Variants in ASIC2 observed in about 807,000 individuals in gnomAD.
The protein encoded by ASIC2 is acid sensing ion channel subunit 2.
ASIC2 carries 25 observed loss-of-function variants against 57.3 expected under a neutral mutation model. That is an observed-to-expected ratio of 0.44 (90% CI 0.32 to 0.61). ASIC2 has a LOEUF of 0.61. ASIC2 is among the 20% of genes least tolerant of loss of function. The pLI is 0.06. For synonymous variants in ASIC2, 319 were observed against 307.5 expected (o/e 1.04, Z -0.39); for missense variants, 641 against 738.1 (o/e 0.87, Z 1.52).
chr17:34,023,089 T>G (rs895586804), intron 1 of ASIC2, among the ~76,000 whole-genome samples: 2 of 152,146 alleles, frequency 1.3e-5, no homozygotes, highest in African/African-American at 4.8e-5. Flanking sequence ...GTACAGCCTG[T>G]GGAACTGAGA....
chr17:34,050,267 G>A (rs1215785585), intron 1 of ASIC2, among the ~76,000 whole-genome samples: 1 of 152,186 alleles, frequency 6.6e-6, no homozygotes, highest in Non-Finnish European at 1.5e-5. Flanking sequence ...TCACCACTTC[G>A]TGAAAGGGCA....
intron 1 of ASIC2, among the ~76,000 whole-genome samples, chr17:33,372,319 C>T (rs563683555): frequency 6.6e-6 from 1 of 152,120 alleles, no homozygotes; most frequent in African/African-American, 2.4e-5. Context: ...AGTGAAAAAG[C>T]AAGATCAGAA....
chr17:33,869,485 A>G (rs1914332857), intron 1 of ASIC2, among the ~76,000 whole-genome samples: 1 of 152,204 alleles, frequency 6.6e-6, no homozygotes, highest in East Asian at 1.9e-4. Flanking sequence ...AGTAGAAACA[A>G]TCTAAATGTC....
intron 1 of ASIC2, among the ~76,000 whole-genome samples, chr17:33,693,313 G>A (rs1412864463): frequency 8.5e-5 from 13 of 152,280 alleles, no homozygotes; most frequent in African/African-American, 2.9e-4. Flanking sequence ...GATGAACTTA[G>A]GGAGAATCCT....
At chr17:33,509,069 G>T (rs760296147) in intron 1 of ASIC2, among the ~76,000 whole-genome samples, 4 of 152,194 alleles carry the variant, frequency 2.6e-5, no homozygotes, top group Non-Finnish European at 5.9e-5. Context: ...TAGGAATGCT[G>T]GGAGAAAGAT....
chr17:33,272,272 ACCATCTACCTTTACCATCCCATT>A (rs1904525065), intron 1 of ASIC2, among the ~76,000 whole-genome samples: 1 of 152,196 alleles, frequency 6.6e-6, no homozygotes, highest in African/African-American at 2.4e-5. Context: ...TTATATGTTT[ACCATCTACCTTTACCATCCCATT>A]CCATCCCATT....
At chr17:33,799,493 TCTTA>T (rs1432689053) in intron 1 of ASIC2, among the ~76,000 whole-genome samples, 10 of 146,420 alleles carry the variant, frequency 6.8e-5, no homozygotes, top group East Asian at 2.0e-4. Context: ...TTTCTTTCTT[TCTTA>T]CTTTCTTTCT....
At chr17:33,595,061 A>G (rs186711248) in intron 1 of ASIC2, among the ~76,000 whole-genome samples, 1 of 152,090 alleles carries the variant, frequency 6.6e-6, no homozygotes, top group East Asian at 1.9e-4. Context: ...CTCTACTAAA[A>G]ATTCAAACAA....
intron 1 of ASIC2, among the ~76,000 whole-genome samples, chr17:33,715,479 G>C (rs1909190207): frequency 6.6e-6 from 1 of 152,192 alleles, no homozygotes; most frequent in African/African-American, 2.4e-5. Context: ...ACAGAGCTGT[G>C]TGGAGCAAAG....
At chr17:34,038,126 C>G (rs4795847) in intron 1 of ASIC2, 646,573 of 1,612,050 alleles carry the variant, frequency 0.4, 137,604 homozygotes, top group African/African-American at 0.79. Flanking sequence ...CTCTCCACAC[C>G]CTGTACCATT....
intron 1 of ASIC2, among the ~76,000 whole-genome samples, chr17:33,462,217 C>T (rs941756158): frequency 2.6e-5 from 4 of 152,130 alleles, no homozygotes; most frequent in Admixed American, 2.6e-4. Context: ...TCCCTGGTAC[C>T]TGTCCTCTTT....
At chr17:33,474,882 A>C (rs920260645) in intron 1 of ASIC2, among the ~76,000 whole-genome samples, 7 of 152,160 alleles carry the variant, frequency 4.6e-5, no homozygotes, top group African/African-American at 1.7e-4. Flanking sequence ...AGGGAGCCCT[A>C]GCCGGAAGTG....
intron 1 of ASIC2, among the ~76,000 whole-genome samples, chr17:33,721,900 A>T (rs1479093021): frequency 1.3e-5 from 2 of 152,224 alleles, no homozygotes; most frequent in Non-Finnish European, 2.9e-5. Context: ...GGTCAAAGTG[A>T]GTGACAAGGC....
At chr17:33,682,637 A>G (rs547181395) in intron 1 of ASIC2, among the ~76,000 whole-genome samples, 1 of 150,336 alleles carries the variant, frequency 6.7e-6, no homozygotes, top group Non-Finnish European at 1.5e-5. Flanking sequence ...GAGAACAGAT[A>G]GCTGCATGTT....
intron 1 of ASIC2, among the ~76,000 whole-genome samples, chr17:33,508,497 C>A (rs1216751881): frequency 6.6e-6 from 1 of 152,196 alleles, no homozygotes; most frequent in African/African-American, 2.4e-5. Context: ...GGGTGGTGGC[C>A]ATCCCAGGGA....
intron 1 of ASIC2, among the ~76,000 whole-genome samples, chr17:33,460,895 T>G (rs919884559): frequency 6.6e-5 from 10 of 152,360 alleles, no homozygotes; most frequent in Non-Finnish European, 1.5e-4. Context: ...TCTACAACTC[T>G]ACGATTTCCA....
intron 1 of ASIC2, among the ~76,000 whole-genome samples, chr17:33,421,415 G>A (rs759731983): frequency 5.9e-4 from 90 of 152,272 alleles, no homozygotes; most frequent in Admixed American, 1.3e-4. Flanking sequence ...CTCTGTAAGC[G>A]TCAGAGCTTT....
rs1193279935 is a variant in ASIC2, at chr17:34,099,128, GAGAGAGAGAGAGAGAGAC to G, written c.555+56832_555+56849del. ...AGAGAGAGAGAGAGAGAGAGAGAGA[GAGAGAGAGAGAGAGAGAC>G]AGAGAGAGAGAGAGAGAGAAAGAAA... On this transcript the variant is annotated intron_variant, in intron 1 of 9. Coordinates refer to the ASIC2 transcript ENST00000359872. Among the ~76,000 whole-genome samples, 282 of 31,600 alleles carry G rather than the reference GAGAGAGAGAGAGAGAGAC, an allele frequency of 8.9e-3. 9 individuals carry two copies. Among genetic ancestry groups the G allele is most frequent in the African/African-American group, 0.027 (249 of 9,064 alleles). The allele number at this position is 31,600 out of a possible 152,430, so 20.7% of individuals were successfully genotyped here. A position where few individuals can be genotyped will look rare whatever the true frequency, so the allele number is the denominator to read the frequency against.
chr17:33,494,632 G>T (rs1464103056), intron 1 of ASIC2, among the ~76,000 whole-genome samples: 1 of 152,050 alleles, frequency 6.6e-6, no homozygotes, highest in Non-Finnish European at 1.5e-5. Context: ...AGCACACATT[G>T]TGGGGTCACA....
Sources: allele counts gnomAD v4.1 joint callset (sites outside exome capture counted in the v4.1 genomes callset), GRCh38; gene constraint gnomAD v4.1.1; transcripts MANE v1.5; gene names NCBI Gene and HGNC (gene_info 2026-07-23, HGNC 2026-07-21).